The following SYT14 variants were observed in gnomAD, a reference collection of about 807,000 sequenced individuals.
The protein encoded by SYT14 is synaptotagmin 14.
In SYT14, 32 loss-of-function variants were observed where a neutral mutation model predicts 74.2. The ratio of observed to expected loss-of-function variants is 0.43; its 90% confidence interval spans 0.33 to 0.58. SYT14 has a LOEUF of 0.58. Among genes scored for constraint, SYT14 ranks in the 20% least tolerant of loss-of-function variants. SYT14 has a pLI of 0.05. For synonymous variants in SYT14, 298 were observed against 337.7 expected (o/e 0.88, Z 1.29); for missense variants, 791 against 981.8 (o/e 0.81, Z 2.60).
At chr1:209,938,404 C>T (rs1274176294) in intron 1 of SYT14, 127 bp downstream of exon 1, 3 of 884,542 alleles carry the variant, frequency 3.4e-6, no homozygotes, top group Admixed American at 5.8e-5. Flanking sequence ...GCTGAAGACG[C>T]GCGGGGGTCC....
intron 5 of SYT14, among the ~76,000 whole-genome samples, chr1:210,073,559 C>T (rs905641051): frequency 6.6e-6 from 1 of 151,996 alleles, no homozygotes; most frequent in Non-Finnish European, 1.5e-5. Context: ...CAATTTATGT[C>T]ATAAGTAAAA....
chr1:210,145,539 G>C (rs1343313710), intron 7 of SYT14, among the ~76,000 whole-genome samples: 1 of 152,164 alleles, frequency 6.6e-6, no homozygotes, highest in Non-Finnish European at 1.5e-5. Context: ...TAAAACAAAA[G>C]TTCTGCCCTG....
intron 1 of SYT14, among the ~76,000 whole-genome samples, chr1:209,942,360 ACCCCC>A (rs34726566): frequency 1.3e-5 from 1 of 74,596 alleles, no homozygotes; most frequent in East Asian, 2.5e-4. Flanking sequence ...ATGCAAATTT[ACCCCC>A]CCCCCCCCGC....
chr1:209,990,348 C>T (rs2079642622), intron 2 of SYT14, among the ~76,000 whole-genome samples: 1 of 151,424 alleles, frequency 6.6e-6, no homozygotes, highest in Non-Finnish European at 1.5e-5. Flanking sequence ...AAGTCCTGCA[C>T]TGAAAAACTT....
At chr1:210,044,991 A>T (rs1487515772) in intron 5 of SYT14, among the ~76,000 whole-genome samples, 1 of 152,170 alleles carries the variant, frequency 6.6e-6, no homozygotes, top group African/African-American at 2.4e-5. Flanking sequence ...ACCTTGCATC[A>T]GGCCCCACCT....
At chr1:210,160,640 T>C in intron 9 of SYT14, 89 bp from the exon 9 acceptor site, 1 of 1,139,320 alleles carries the variant, frequency 8.8e-7, no homozygotes, top group Non-Finnish European at 1.3e-6. Flanking sequence ...CCTTATAAAG[T>C]ATAAATACTT....
chr1:210,084,751 C>T (rs955822397), intron 5 of SYT14, among the ~76,000 whole-genome samples: 2 of 152,158 alleles, frequency 1.3e-5, no homozygotes, highest in African/African-American at 4.8e-5. Flanking sequence ...TATCAGATAC[C>T]AAAGCTGTCT....
chr1:210,060,308 C>T (rs974169169), intron 5 of SYT14, among the ~76,000 whole-genome samples: 2 of 152,058 alleles, frequency 1.3e-5, no homozygotes, highest in African/African-American at 4.8e-5. Context: ...TTTTGAGTTC[C>T]TATGTTCCTA....
intron 5 of SYT14, among the ~76,000 whole-genome samples, chr1:210,070,224 G>T (rs2081367722): frequency 6.6e-6 from 1 of 152,060 alleles, no homozygotes; most frequent in Non-Finnish European, 1.5e-5. Context: ...ATGTAGTCTT[G>T]CAGGAAGGCC....
chr1:210,118,581 A>G (rs1181957305), intron 7 of SYT14, among the ~76,000 whole-genome samples: 2 of 151,884 alleles, frequency 1.3e-5, no homozygotes, highest in Non-Finnish European at 2.9e-5. Context: ...AGTTCAAGTG[A>G]TTCTCCTGCT....
chr1:209,938,389 A>C (rs1411765000), intron 1 of SYT14, 112 bp downstream of exon 1: 4 of 1,073,524 alleles, frequency 3.7e-6, no homozygotes, highest in East Asian at 3.4e-5. Flanking sequence ...TGTGGTCTGG[A>C]GCCGGCTGAA....
At chr1:210,097,304 GAGA>G (rs1572292453) in intron 6 of SYT14, among the ~76,000 whole-genome samples, 1 of 152,316 alleles carries the variant, frequency 6.6e-6, no homozygotes, top group East Asian at 1.9e-4. Flanking sequence ...TGAGAGAGGA[GAGA>G]AGGTTCAGAA....
At chr1:210,001,014 A>G (rs1368106264) in intron 2 of SYT14, among the ~76,000 whole-genome samples, 2 of 152,226 alleles carry the variant, frequency 1.3e-5, no homozygotes, top group East Asian at 1.9e-4. Context: ...TTGTTAAAAT[A>G]ATAAAGGACT....
chr1:210,007,245 A>G (rs1318450182), intron 2 of SYT14, among the ~76,000 whole-genome samples: 1 of 151,944 alleles, frequency 6.6e-6, no homozygotes, highest in Admixed American at 6.6e-5. Flanking sequence ...TCTTGGAAAG[A>G]CTAAACTTTC....
intron 6 of SYT14, 123 bp from the exon 6 acceptor site, chr1:210,099,889 T>G: frequency 1.1e-6 from 1 of 949,336 alleles, no homozygotes; most frequent in Non-Finnish European, 1.6e-6. Flanking sequence ...TTAATTATTA[T>G]TGTATTACTT....
chr1:209,992,705 C>A (rs761397502), intron 2 of SYT14, among the ~76,000 whole-genome samples: 1 of 152,072 alleles, frequency 6.6e-6, no homozygotes, highest in Non-Finnish European at 1.5e-5. Flanking sequence ...CAAATGTAAA[C>A]CATGCTTGCT....
At chr1:210,014,004 A>G (rs1281257534) in intron 3 of SYT14, among the ~76,000 whole-genome samples, 3 of 152,170 alleles carry the variant, frequency 2.0e-5, no homozygotes, top group Non-Finnish European at 4.4e-5. Context: ...TGAATTGTCT[A>G]CTATGACAAA....
intron 7 of SYT14, among the ~76,000 whole-genome samples, chr1:210,104,262 A>C (rs1392787890): frequency 6.6e-6 from 1 of 152,232 alleles, no homozygotes; most frequent in African/African-American, 2.4e-5. Flanking sequence ...GGTTTTCCTC[A>C]CCTGACCAAT....
At chr1:210,036,795 T>C (rs57790572) in intron 5 of SYT14, among the ~76,000 whole-genome samples, 19,316 of 152,060 alleles carry the variant, frequency 0.13, 3,852 homozygotes, top group African/African-American at 0.43. Flanking sequence ...TTGATCGTGG[T>C]GTATTATATT....
Sources: allele counts gnomAD v4.1 joint callset (sites outside exome capture counted in the v4.1 genomes callset), GRCh38; gene constraint gnomAD v4.1.1; transcripts MANE v1.5; gene names NCBI Gene and HGNC (gene_info 2026-07-23, HGNC 2026-07-21).